Variants in PARD3B observed in about 807,000 individuals in gnomAD.
PARD3B encodes partitioning defective 3 homolog B.
Under a neutral mutation model 130.2 loss-of-function variants are expected in PARD3B, and 103 were observed. The ratio of observed to expected loss-of-function variants is 0.79; its 90% CI spans 0.67 to 0.93. The LOEUF is 0.93. Among genes scored for constraint, PARD3B ranks in the 40% least tolerant of loss-of-function variants. The probability of loss-of-function intolerance (pLI) is 0.00; values close to 1 mark genes in which losing one functional copy is unlikely to be tolerated. For synonymous variants in PARD3B, 583 were observed against 553.2 expected (o/e 1.05, Z -0.76); for missense variants, 1,609 against 1,499.2 (o/e 1.07, Z -1.21).
intron 2 of PARD3B, among the ~76,000 whole-genome samples, chr2:204,839,256 A>T (rs933285068): frequency 3.3e-5 from 5 of 152,226 alleles, no homozygotes; most frequent in Non-Finnish European, 5.9e-5. Context: ...TTACAGCAGC[A>T]TAAATTTCTC....
At chr2:204,765,654 A>T (rs2041113164) in intron 2 of PARD3B, among the ~76,000 whole-genome samples, 4 of 152,202 alleles carry the variant, frequency 2.6e-5, no homozygotes, top group Admixed American at 2.0e-4. Flanking sequence ...ATAAAAAAAA[A>T]TTCAGCCTGA....
intron 20 of PARD3B, among the ~76,000 whole-genome samples, chr2:205,455,514 A>G (rs2048242900): frequency 6.6e-6 from 1 of 152,050 alleles, no homozygotes; most frequent in Admixed American, 6.6e-5. Flanking sequence ...AGGGAATTAC[A>G]AAATGTTCTT....
intron 18 of PARD3B, among the ~76,000 whole-genome samples, chr2:205,342,776 T>C (rs1017416546): frequency 6.6e-6 from 1 of 152,196 alleles, no homozygotes; most frequent in Non-Finnish European, 1.5e-5. Flanking sequence ...GTTACTGTGT[T>C]CTTTGAACCT....
intron 19 of PARD3B, among the ~76,000 whole-genome samples, chr2:205,437,300 T>G (rs191063425): frequency 6.6e-6 from 1 of 152,288 alleles, no homozygotes; most frequent in East Asian, 1.9e-4. Flanking sequence ...CTTCATCATT[T>G]ATTATCATCT....
At chr2:205,056,590 A>T (rs1699649774) in intron 4 of PARD3B, among the ~76,000 whole-genome samples, 1 of 146,450 alleles carries the variant, frequency 6.8e-6, no homozygotes, top group African/African-American at 2.6e-5. Context: ...AAAACCATTA[A>T]AAAAAAAAAA....
intron 4 of PARD3B, among the ~76,000 whole-genome samples, chr2:205,057,658 T>C (rs1384603951): frequency 1.3e-4 from 4 of 30,468 alleles, no homozygotes; most frequent in South Asian, 2.2e-3. Flanking sequence ...TGTGTATACG[T>C]ACATATACAT....
intron 18 of PARD3B, among the ~76,000 whole-genome samples, chr2:205,334,778 A>C (rs2043250620): frequency 6.6e-6 from 1 of 152,206 alleles, no homozygotes; most frequent in Non-Finnish European, 1.5e-5. Context: ...AGTTGAATGC[A>C]CTTTCCATCC....
chr2:205,275,065 A>G (rs2040884120), intron 16 of PARD3B, among the ~76,000 whole-genome samples: 1 of 152,154 alleles, frequency 6.6e-6, no homozygotes, highest in South Asian at 2.1e-4. Context: ...AAGAGAAAAA[A>G]TGTGAGTAAG....
chr2:205,354,887 G>T (rs1408355642), intron 18 of PARD3B, among the ~76,000 whole-genome samples: 1 of 152,160 alleles, frequency 6.6e-6, no homozygotes, highest in African/African-American at 2.4e-5. Context: ...ATGGGAATAG[G>T]TAAGGTGACA....
intron 18 of PARD3B, among the ~76,000 whole-genome samples, chr2:205,359,150 G>C (rs2044299411): frequency 6.6e-6 from 1 of 152,126 alleles, no homozygotes; most frequent in Admixed American, 6.5e-5. Flanking sequence ...ATTCTCTCAA[G>C]GTTTCCATCG....
At chr2:204,870,757 A>G (rs1255195729) in intron 2 of PARD3B, among the ~76,000 whole-genome samples, 1 of 152,156 alleles carries the variant, frequency 6.6e-6, no homozygotes, top group Non-Finnish European at 1.5e-5. Context: ...TTTTAAAGTG[A>G]AGAAAGAGGT....
intron 18 of PARD3B, among the ~76,000 whole-genome samples, chr2:205,358,084 C>A (rs1357365219): frequency 6.6e-6 from 1 of 152,112 alleles, no homozygotes; most frequent in Non-Finnish European, 1.5e-5. Flanking sequence ...CTTTTTGGTC[C>A]CTTAAAATTA....
intron 2 of PARD3B, among the ~76,000 whole-genome samples, chr2:204,773,512 A>G (rs528994089): frequency 3.1e-4 from 47 of 152,124 alleles, no homozygotes; most frequent in Non-Finnish European, 4.6e-4. Flanking sequence ...TACCATTCAC[A>G]TCTTTTACAA....
At chr2:205,595,167 T>G (rs1316170381) in intron 22 of PARD3B, among the ~76,000 whole-genome samples, 1 of 150,212 alleles carries the variant, frequency 6.7e-6, no homozygotes, top group Non-Finnish European at 1.5e-5. Flanking sequence ...TCTTCACCTC[T>G]GAGTTGCACA....
intron 5 of PARD3B, 98 bp from the exon 6 acceptor site, chr2:205,113,393 G>GTGTGTGTGT (rs1559450786): frequency 2.6e-5 from 15 of 571,582 alleles, no homozygotes; most frequent in African/African-American, 2.1e-4. Context: ...CCTGAGCAGG[G>GTGTGTGTGT]GTGTGTGTGT....
At position 204,606,239 on chromosome 2, in the gene PARD3B, A is replaced by T. The variant is rs775227671; in HGVS notation, c.120+60120A>T. 1.3e-5 allele frequency among the ~76,000 whole-genome samples: 2 copies of T among 152,090 alleles called. No homozygotes were observed. Among genetic ancestry groups the T allele is most frequent in the African/African-American group, 2.4e-5 (1 of 41,408 alleles). On this transcript the variant is annotated intron_variant, in intron 1 of 22. Coordinates refer to ENST00000406610, the MANE Select transcript of PARD3B (RefSeq NM_001302769.2). This position sits in a 1 kb window ranked among gnomAD's most constrained non-coding sequence, Gnocchi z 4.0. Reference sequence around the variant, plus strand: ...CAGCGCCTTATGTATTGGTGTTTAAAATCAGTTGTGTTGAGGGTCAGGAAG... The same window carrying T: ...CAGCGCCTTATGTATTGGTGTTTAATATCAGTTGTGTTGAGGGTCAGGAAG...
chr2:204,659,646 C>G (rs1445795035), intron 1 of PARD3B, among the ~76,000 whole-genome samples: 1 of 152,124 alleles, frequency 6.6e-6, no homozygotes, highest in Admixed American at 6.6e-5. Context: ...TGCAGAATTT[C>G]CCACCTTTAA....
chr2:204,564,950 A>G (rs1387778855), intron 1 of PARD3B, among the ~76,000 whole-genome samples: 1 of 152,230 alleles, frequency 6.6e-6, no homozygotes, highest in East Asian at 1.9e-4. Flanking sequence ...AGCAGTCTGC[A>G]CACAGCTTAG....
intron 2 of PARD3B, among the ~76,000 whole-genome samples, chr2:204,846,634 C>G (rs2044471967): frequency 1.3e-5 from 2 of 150,608 alleles, no homozygotes; most frequent in Middle Eastern, 6.8e-3. Context: ...GTTTCTCTCT[C>G]TTTCCCCAGC....
Sources: allele counts gnomAD v4.1 joint callset (sites outside exome capture counted in the v4.1 genomes callset), GRCh38; gene constraint gnomAD v4.1.1; non-coding constraint Gnocchi (gnomAD v3.1); transcripts MANE v1.5; gene names NCBI Gene and HGNC (gene_info 2026-07-23, HGNC 2026-07-21).